Variants in RPS4X observed in about 807,000 individuals in gnomAD.
RPS4X encodes the protein small ribosomal subunit protein eS4, X isoform.
For synonymous variants in RPS4X, 76 were observed against 76.8 expected, an observed-to-expected ratio of 0.99 and a Z score of 0.06; for missense variants, 90 against 219.1, an observed-to-expected ratio of 0.41 and a Z score of 3.72.
Position 72,274,107 on chromosome X carries a change from T to C in RPS4X, c.361-135A>G, listed in dbSNP as rs2043192069. On this transcript the variant is annotated intron_variant, in intron 4 of 6. Coordinates refer to ENST00000316084, the MANE Select transcript of RPS4X (RefSeq NM_001007.5). ...CGTTCTTTCCACCCTCAAGTGTATG[T>C]TGCATAAAGCCCTTCTCTAGGCTCG... 4 of 560,959 alleles carry C rather than the reference T, an allele frequency of 7.1e-6. No individual in the cohort carries two copies. In the Admixed American group the frequency reaches 1.4e-4, roughly 20 times the overall value. The allele number at this position is 560,959 out of a possible 1,213,427, so 46.2% of individuals were successfully genotyped here. A position where few individuals can be genotyped will look rare whatever the true frequency, so the allele number is the denominator to read the frequency against.
chrX:72,276,571 A>G (rs2043205211), intron 1 of RPS4X, among the ~76,000 whole-genome samples: 1 of 111,950 alleles, frequency 8.9e-6, no homozygotes, highest in Non-Finnish European at 1.9e-5. Flanking sequence ...AGAACACCAT[A>G]CTAGTGAAAC....
chrX:72,273,111 T>C, intron 6 of RPS4X, 121 bp downstream of exon 6: 5 of 659,832 alleles, frequency 7.6e-6, no homozygotes, highest in Non-Finnish European at 1.2e-5. Context: ...GTGAGTCCTA[T>C]CCAGAAGAGG....
At chrX:72,273,594 A>C (rs1307125352) in intron 5 of RPS4X, among the ~76,000 whole-genome samples, 2 of 111,893 alleles carry the variant, frequency 1.8e-5, no homozygotes, top group East Asian at 5.6e-4. Context: ...GTTCGAGAAC[A>C]GTCTGGGCAA....
At chrX:72,275,487 T>C in intron 3 of RPS4X, 57 bp downstream of exon 3, 1 of 933,352 alleles carries the variant, frequency 1.1e-6, no homozygotes, top group African/African-American at 2.0e-5. Flanking sequence ...AAGACAGTAT[T>C]TGGATACCAT....
At chrX:72,275,450 C>A in intron 3 of RPS4X, 94 bp downstream of exon 3, 2 of 700,849 alleles carry the variant, frequency 2.9e-6, no homozygotes, top group Non-Finnish European at 4.3e-6. Flanking sequence ...TGAGACTTGA[C>A]AGATTACAAA....
intron 1 of RPS4X, among the ~76,000 whole-genome samples, chrX:72,276,820 C>T (rs1300021841): frequency 8.9e-6 from 1 of 112,629 alleles, no homozygotes; most frequent in Non-Finnish European, 1.9e-5. Context: ...CAGGCCGTGC[C>T]AAAAAGGCAA....
At chrX:72,276,839 A>G (rs1401487040) in intron 1 of RPS4X, among the ~76,000 whole-genome samples, 1 of 112,784 alleles carries the variant, frequency 8.9e-6, no homozygotes, top group Non-Finnish European at 1.9e-5. Context: ...AATGACAAAG[A>G]AAACCTTTCT....
intron 5 of RPS4X, among the ~76,000 whole-genome samples, 198 bp from the exon 6 acceptor site, chrX:72,273,587 C>T (rs1042450776): frequency 3.6e-5 from 4 of 111,514 alleles, no homozygotes; most frequent in Non-Finnish European, 7.5e-5. Flanking sequence ...ATAATCAGTT[C>T]GAGAACAGTC....
Position 72,273,989 on chromosome X carries a change from G to T in RPS4X, c.361-17C>A. On this transcript the variant is annotated splice_polypyrimidine_tract_variant and intron_variant, in intron 4 of 6. Coordinates refer to ENST00000316084, the MANE Select transcript of RPS4X (RefSeq NM_001007.5). The stretch of plus-strand genomic sequence containing the variant: ...CAACTTGTACTAGAAAAATACAAGG[G>T]TTAGCCACATTCAATCCATCTCACA... 1.7e-6 allele frequency: 2 copies of T among 1,198,846 alleles called. No homozygotes were observed. The highest frequency in any genetic ancestry group is 2.3e-6 in the Non-Finnish European group (2 of 884,391).
chrX:72,272,808 C>CA (rs772547575), intron 6 of RPS4X, 36 bp from the exon 7 acceptor site: 1 of 975,879 alleles, frequency 1.0e-6, no homozygotes, highest in Non-Finnish European at 1.5e-6. Context: ...AAACCCACCA[C>CA]ACACCAACTC....
At chrX:72,274,603 T>C (rs2043194417) in intron 4 of RPS4X, 2 of 265,320 alleles carry the variant, frequency 7.5e-6, no homozygotes, top group South Asian at 4.1e-5. Flanking sequence ...CCTCAAGGAC[T>C]GTCTGTTTCC....
intron 1 of RPS4X, 66 bp downstream of exon 1, chrX:72,277,127 G>C: frequency 2.5e-6 from 3 of 1,181,473 alleles, no homozygotes; most frequent in South Asian, 3.6e-5. Flanking sequence ...CGAAACCTCG[G>C]GCAGCCCCGG....
chrX:72,276,142 A>G lies in RPS4X; in HGVS notation c.81+15T>C, dbSNP rs2043202384. ...AAAAACAGTGGCCACGGAAATATTT[A>G]TATAAGATACTTACAAACACACCGG... is the stretch of plus-strand genomic sequence containing the variant. On this transcript the variant is annotated intron_variant, in intron 2 of 6. Transcript: ENST00000316084. The G allele has an allele frequency of 1.7e-6, 2 of 1,188,659 alleles. No homozygotes were observed. Among genetic ancestry groups the G allele is most frequent in the Non-Finnish European group, 2.3e-6 (2 of 874,646 alleles).
intron 4 of RPS4X, chrX:72,274,176 T>C: frequency 4.7e-6 from 2 of 429,069 alleles, no homozygotes; most frequent in South Asian, 6.9e-5. Flanking sequence ...CCAATGTAAA[T>C]GCCACTCCAG....
chrX:72,273,174 G>A, intron 6 of RPS4X, 58 bp downstream of exon 6: 1 of 1,093,743 alleles, frequency 9.1e-7, no homozygotes. Flanking sequence ...TACAATCCCA[G>A]CAGCCACCTG....
chrX:72,276,898 T>C (rs1457215908), intron 1 of RPS4X, among the ~76,000 whole-genome samples: 2 of 112,341 alleles, frequency 1.8e-5, no homozygotes, highest in Middle Eastern at 4.2e-3. Flanking sequence ...CAGTCTGAGC[T>C]CCTGGCCCAG....
At chrX:72,274,098 A>G in intron 4 of RPS4X, 126 bp from the exon 5 acceptor site, 10 of 592,461 alleles carry the variant, frequency 1.7e-5, no homozygotes, top group Non-Finnish European at 2.7e-5. Context: ...TTCCACCCTC[A>G]AGTGTATGTT....
intron 2 of RPS4X, 91 bp from the exon 3 acceptor site, chrX:72,275,815 A>G: frequency 1.3e-6 from 1 of 780,757 alleles, no homozygotes; most frequent in Non-Finnish European, 1.9e-6. Context: ...CTGAACACCA[A>G]GACCGTCCAT....
In RPS4X at chrX:72,272,568, T is replaced by C; in HGVS notation, c.*103A>G. The C allele has an allele frequency of 1.9e-6, 1 of 514,583 alleles. No individual in the cohort carries two copies. The highest frequency in any genetic ancestry group is 3.2e-6 in the Non-Finnish European group (1 of 307,995). The allele number at this position is 514,583 out of a possible 1,213,427, so 42.4% of individuals were successfully genotyped here. ...GTTATACAGTAAAATAGCAGGAAAC[T>C]GAATTAAAAAAAAAAACAACCCACA... On this transcript the variant is annotated 3_prime_UTR_variant, in exon 7 of 7. Coordinates refer to ENST00000316084, the MANE Select transcript of RPS4X (RefSeq NM_001007.5).
Sources: allele counts gnomAD v4.1 joint callset (sites outside exome capture counted in the v4.1 genomes callset), GRCh38; gene constraint gnomAD v4.1.1; transcripts MANE v1.5; gene names NCBI Gene and HGNC (gene_info 2026-07-23, HGNC 2026-07-21).